Variants in C1S observed in about 807,000 individuals in gnomAD.
The protein encoded by C1S is complement C1s, also known as complement C1s subcomponent.
A neutral mutation model predicts 54.0 loss-of-function variants in C1S; 31 were observed. The ratio of observed to expected loss-of-function variants is 0.57; its 90% CI spans 0.43 to 0.78. The LOEUF (loss-of-function observed/expected upper bound fraction) is 0.78. Ranked by LOEUF, C1S falls within the 30% of genes least tolerant of loss-of-function variation. C1S has a pLI of 0.00. For missense variants in C1S, 727 were observed against 851.8 expected (o/e 0.85, Z 1.82); for synonymous variants, 292 against 303.6 (o/e 0.96, Z 0.40).
intron 3 of C1S, 40 bp downstream of exon 3, chr12:7,062,722 G>C (rs782162874): frequency 5.0e-6 from 8 of 1,587,438 alleles, no homozygotes; most frequent in Non-Finnish European, 6.0e-6. Flanking sequence ...TGGAAGACTA[G>C]GGCTAAGGTA....
chr12:7,067,564 G>C, intron 9 of C1S, 79 bp from the exon 10 acceptor site: 2 of 1,525,474 alleles, frequency 1.3e-6, no homozygotes, highest in South Asian at 2.3e-5. Flanking sequence ...GGGAAGCAGT[G>C]AGGATGAACC....
At chr12:7,064,084 C>T (rs782646500) in intron 4 of C1S, 183 bp from the exon 5 acceptor site, 5 of 719,596 alleles carry the variant, frequency 6.9e-6, no homozygotes, top group Admixed American at 3.7e-5. Context: ...TGGTAGGGCT[C>T]AACTCTGGAA....
chr12:7,062,427 G>A (rs781945644), intron 2 of C1S, 48 bp from the exon 3 acceptor site: 31 of 1,409,704 alleles, frequency 2.2e-5, no homozygotes, highest in Admixed American at 1.8e-4. Flanking sequence ...TTCTGTCCTA[G>A]GCTACTGGTG....
In C1S at chr12:7,070,761, G is replaced by T; in HGVS notation, c.*110G>T. ...TGACTGAAAGAAGACACGAGCGAATGATTTAAATAGAACTTGATTGTTGAG... is the reference window on the plus strand; with the variant it reads ...TGACTGAAAGAAGACACGAGCGAATTATTTAAATAGAACTTGATTGTTGAG... On this transcript the variant is annotated 3_prime_UTR_variant, in exon 12 of 12. Coordinates refer to ENST00000360817, the MANE Select transcript of C1S (RefSeq NM_001734.5). The surrounding 1 kb of genome is among the most constrained non-coding windows in gnomAD (Gnocchi z 4.9). 1.1e-6 allele frequency: 1 copy of T among 935,412 alleles called. No homozygotes were observed. Among genetic ancestry groups the T allele is most frequent in the Non-Finnish European group, 1.7e-6 (1 of 579,808 alleles). 57.9% of individuals were successfully genotyped at this position (935,412 alleles called of 1,614,324 possible). A position where few individuals can be genotyped will look rare whatever the true frequency, so the allele number is the denominator to read the frequency against.
At chr12:7,066,316 C>T (rs1937654225) in intron 7 of C1S, 2 of 656,642 alleles carry the variant, frequency 3.0e-6, no homozygotes, top group Non-Finnish European at 5.5e-6. Flanking sequence ...AATCCTTTAA[C>T]TAGACCTGAG....
At chr12:7,067,560 C>T (rs1937702696) in intron 9 of C1S, 83 bp from the exon 10 acceptor site, 2 of 1,483,048 alleles carry the variant, frequency 1.3e-6, no homozygotes, top group Non-Finnish European at 1.9e-6. Context: ...GGTGGGGAAG[C>T]AGTGAGGATG....
Position 7,061,994 on chromosome 12 carries a change from G to A in C1S, c.5+77G>A, listed in dbSNP as rs782251227. Reference sequence around the variant, plus strand: ...CTCAAGAAAAGCGCTCAAGGGCCAGGCATGATGGCTCACACCTGTAACCCC... The same window carrying A: ...CTCAAGAAAAGCGCTCAAGGGCCAGACATGATGGCTCACACCTGTAACCCC... On this transcript the variant is annotated intron_variant, in intron 2 of 11. Coordinates refer to ENST00000360817, the MANE Select transcript of C1S (RefSeq NM_001734.5). The A allele has an allele frequency of 5.6e-6, 8 of 1,416,238 alleles. No homozygotes were observed. In the East Asian group the frequency reaches 1.8e-4, roughly 32 times the overall value. 87.7% of individuals were successfully genotyped at this position (1,416,238 alleles called of 1,614,324 possible). A position where few individuals can be genotyped will look rare whatever the true frequency, so the allele number is the denominator to read the frequency against.
At chr12:7,066,493 C>T in intron 7 of C1S, 25 bp from the exon 8 acceptor site, 3 of 1,347,260 alleles carry the variant, frequency 2.2e-6, no homozygotes, top group Non-Finnish European at 2.1e-6. Context: ...TTTTTTCCTC[C>T]TGTCCCAACT....
In C1S at chr12:7,065,071, G is replaced by T; in HGVS notation, c.518-29G>T. ...AATTCCTTTGCTTGACCCTGTATTTGATTCTCCCTTTCTCTTTTTCTCTGT... is the reference window on the plus strand; with the variant it reads ...AATTCCTTTGCTTGACCCTGTATTTTATTCTCCCTTTCTCTTTTTCTCTGT... On this transcript the variant is annotated intron_variant, in intron 5 of 11. Coordinates refer to ENST00000360817, the MANE Select transcript of C1S (RefSeq NM_001734.5). 2.6e-6 allele frequency: 4 copies of T among 1,568,600 alleles called. No homozygotes were observed. The South Asian group carries it at 4.5e-5, about 17-fold the overall frequency.
chr12:7,066,664 C>T (rs1555162311), intron 8 of C1S, 31 bp downstream of exon 8: 2 of 1,295,626 alleles, frequency 1.5e-6, no homozygotes, highest in South Asian at 2.4e-5. Flanking sequence ...CTCCCCAGTC[C>T]CTGGCCCCAG....
At chr12:7,066,448 T>A in intron 7 of C1S, 70 bp from the exon 8 acceptor site, 2 of 875,376 alleles carry the variant, frequency 2.3e-6, no homozygotes, top group Non-Finnish European at 3.9e-6. Context: ...GTGAGAATGA[T>A]GTAAATAGAA....
rs782727382 is a variant in C1S at position 7,068,471 on chromosome 12, C to T, written c.1211C>T (p.Ala404Val). Residue 404 changes from alanine to valine, a missense_variant, in exon 11 of 12, where the codon GCT becomes GTT. Ala to Val is a moderately conservative substitution (Grantham distance 64, BLOSUM62 0). This residue lies in a region of C1S where 360 missense variants were observed against 453.6 expected (regional missense o/e 0.79). Coordinates refer to ENST00000360817, the MANE Select transcript of C1S (RefSeq NM_001734.5). Reference sequence around the variant, plus strand: ...GCTATTCCAGGGGAGTATCACTGTGCTGGTAACGGGAGCTGGGTGAATGAG... The same window carrying T: ...GCTATTCCAGGGGAGTATCACTGTGTTGGTAACGGGAGCTGGGTGAATGAG... ...ENGGGGEYHC[A>V]GNGSWVNEVL... 1.2e-6 allele frequency: 2 copies of T among 1,613,096 alleles called. No homozygotes were observed. The highest frequency in any genetic ancestry group is 4.5e-5 in the East Asian group (2 of 44,878).
chr12:7,070,317 G>A lies in C1S; in HGVS notation c.1733G>A (p.Arg578His), dbSNP rs145759514. The A allele has an allele frequency of 3.7e-5, 59 of 1,614,246 alleles. No individual in the cohort carries two copies. Among genetic ancestry groups the A allele is most frequent in the South Asian group, 6.6e-5 (6 of 91,090 alleles). ...SGWGRTEKRD[R>H]AVRLKAARLP... ...TGGGGCCGAACAGAGAAGAGAGATC[G>A]TGCTGTTCGCCTCAAGGCGGCAAGG... The change falls in exon 12 of 12, where the codon CGT (arginine) becomes CAT (histidine). Residue 578 changes from arginine (R) to histidine (H), a missense_variant. Arg to His is a conservative substitution (Grantham distance 29, BLOSUM62 0). Transcript: ENST00000360817. This position sits in a 1 kb window ranked among gnomAD's most constrained non-coding sequence, Gnocchi z 4.9.
rs1456532939 is a variant in C1S at position 7,062,024 on chromosome 12, C to T, written c.5+107C>T. ...ATGGCTCACACCTGTAACCCCAGCA[C>T]TTTGGGAGGCTGAGGCGGGAGGATT... On this transcript the variant is annotated intron_variant, in intron 2 of 11. Transcript: ENST00000360817. The T allele has an allele frequency of 9.9e-6, 11 of 1,110,038 alleles. No individual in the cohort carries two copies. In the African/African-American group the frequency reaches 1.5e-4, roughly 16 times the overall value. The allele number at this position is 1,110,038 out of a possible 1,614,324, so 68.8% of individuals were successfully genotyped here.
chr12:7,063,413 G>A (rs1365038674), intron 4 of C1S: 16 of 456,670 alleles, frequency 3.5e-5, no homozygotes, highest in Admixed American at 2.2e-4. Context: ...TAAAGATGAA[G>A]AAAATAAGGA....
intron 11 of C1S, chr12:7,068,754 G>A: frequency 1.7e-6 from 1 of 577,152 alleles, no homozygotes. Flanking sequence ...ACGTCAGCCA[G>A]CGACAGTTGG....
rs1445874501 is a variant in C1S, at chr12:7,070,243, C to T, written c.1659C>T (p.Thr553=). Residue 553 remains threonine (T), a synonymous_variant, in exon 12 of 12, where the codon ACC becomes ACT. Transcript: ENST00000360817. The surrounding 1 kb of genome is among the most constrained non-coding windows in gnomAD (Gnocchi z 4.9). The stretch of plus-strand genomic sequence containing the variant: ...TCTCTCCCATCTGCCTACCAGGCAC[C>T]TCTTCCGACTACAACCTCATGGATG... The part of the protein sequence containing the change: ...PTVSPICLPG[T]SSDYNLMDGD... 6.2e-7 allele frequency: 1 copy of T among 1,614,040 alleles called. No homozygotes were observed. Among genetic ancestry groups the T allele is most frequent in the Non-Finnish European group, 8.5e-7 (1 of 1,179,970 alleles).
intron 6 of C1S, 91 bp downstream of exon 6, chr12:7,065,390 C>G: frequency 1.1e-6 from 1 of 929,512 alleles, no homozygotes; most frequent in Non-Finnish European, 1.8e-6. Flanking sequence ...GCATCTTTCT[C>G]TGTTGCTCAA....
rs372578611 is a variant in C1S at position 7,067,179 on chromosome 12, A to G, written c.1066+62A>G. On this transcript the variant is annotated intron_variant, in intron 9 of 11. Transcript: ENST00000360817. ...TCTCAGAGAGAATGGAAAGATCAGC[A>G]CATCAAAATTCAAATGCATGGTTTC... The G allele has an allele frequency of 2.9e-4, 339 of 1,171,226 alleles. No homozygotes were observed. The Middle Eastern group carries it at 3.2e-3, about 11-fold the overall frequency. The allele number at this position is 1,171,226 out of a possible 1,614,324, so 72.6% of individuals were successfully genotyped here.
Sources: gnomAD v4.1 joint callset for allele counts on GRCh38, gnomAD v4.1.1 for gene constraint, gnomAD v4.1.1 regional missense constraint, Gnocchi (gnomAD v3.1) non-coding constraint, MANE v1.5 for transcripts, NCBI Gene and HGNC (gene_info 2026-07-23, HGNC 2026-07-21) for gene names.